The following TBCK variants were observed in gnomAD, a reference collection of about 807,000 sequenced individuals.
TBCK encodes TBC domain-containing protein kinase-like protein.
A neutral mutation model predicts 113.4 loss-of-function variants in TBCK; 99 were observed. The ratio of observed to expected loss-of-function variants is 0.87; its 90% CI spans 0.74 to 1.03. TBCK has a LOEUF of 1.03. Among genes scored for constraint, TBCK ranks in the 50% least tolerant of loss-of-function variants. The pLI, the probability that TBCK is intolerant of heterozygous loss-of-function variation, is 0.00. For synonymous variants in TBCK, 369 were observed against 370.8 expected (o/e 1.00, Z 0.05); for missense variants, 1,045 against 1,061.3 (o/e 0.98, Z 0.21).
At chr4:106,082,824 A>G (rs1739042732) in intron 25 of TBCK, among the ~76,000 whole-genome samples, 1 of 151,936 alleles carries the variant, frequency 6.6e-6, no homozygotes, top group Non-Finnish European at 1.5e-5. Context: ...GAGAAGGAAG[A>G]GCAGTGTGGT....
intron 23 of TBCK, among the ~76,000 whole-genome samples, chr4:106,123,390 A>C (rs1744712210): frequency 6.6e-6 from 1 of 152,240 alleles, no homozygotes; most frequent in Non-Finnish European, 1.5e-5. Flanking sequence ...AACAAATGGA[A>C]GAACATTTCA....
At chr4:106,136,154 T>C in intron 23 of TBCK, among the ~76,000 whole-genome samples, 1 of 141,810 alleles carries the variant, frequency 7.1e-6, no homozygotes, top group South Asian at 2.4e-4. Flanking sequence ...CAGTTTTTCC[T>C]TTACTGTTAT....
At chr4:106,246,816 T>G (rs1760866919) in intron 10 of TBCK, among the ~76,000 whole-genome samples, 1 of 152,062 alleles carries the variant, frequency 6.6e-6, no homozygotes, top group African/African-American at 2.4e-5. Context: ...TATATATATA[T>G]TTGTGCGTGT....
chr4:106,057,211 G>C (rs1166790879), intron 25 of TBCK, among the ~76,000 whole-genome samples: 3 of 151,656 alleles, frequency 2.0e-5, no homozygotes, highest in South Asian at 4.1e-4. Context: ...TAGATAGTGA[G>C]AGACTGAAAG....
At chr4:106,266,038 T>C (rs1273007435) in intron 3 of TBCK, among the ~76,000 whole-genome samples, 1 of 151,810 alleles carries the variant, frequency 6.6e-6, no homozygotes, top group Non-Finnish European at 1.5e-5. Flanking sequence ...AAGCATAATT[T>C]GGGATAAACA....
At position 106,056,712 on chromosome 4, in the gene TBCK, T is replaced by C. The variant is rs182969647; in HGVS notation, c.2572-10032A>G. Among the ~76,000 whole-genome samples the C allele has an allele frequency of 9.9e-5, 15 of 151,802 alleles. No individual in the cohort carries two copies. The East Asian group carries it at 2.9e-3, about 30-fold the overall frequency. ...ATTATGGAAGGTTCTCAGAAAATCC[T>C]GAGACTTCAGTCAGTATCATACAGA... On this transcript the variant is annotated intron_variant, in intron 25 of 25. Transcript: ENST00000394708.
rs10031728 is a variant in TBCK at position 106,242,793 on chromosome 4, G to A, written c.1071-224C>T. Among the ~76,000 whole-genome samples, 562 of 151,358 alleles carry A rather than the reference G, an allele frequency of 3.7e-3. 3 individuals carry two copies. The highest frequency in any genetic ancestry group is 0.013 in the African/African-American group (531 of 41,284). On this transcript the variant is annotated intron_variant, in intron 11 of 25. Transcript: ENST00000394708. ...TTAGTTACATATGTATACATGTGCC[G>A]TGCTGGTGTGCTGCACCCATTAACT...
intron 25 of TBCK, among the ~76,000 whole-genome samples, chr4:106,057,837 T>C (rs184127810): frequency 6.6e-6 from 1 of 151,906 alleles, no homozygotes; most frequent in East Asian, 1.9e-4. Flanking sequence ...ATCATTTGTA[T>C]ACATGTCTAA....
At chr4:106,049,902 C>T (rs748523936) in intron 25 of TBCK, among the ~76,000 whole-genome samples, 12 of 151,960 alleles carry the variant, frequency 7.9e-5, no homozygotes, top group Non-Finnish European at 1.2e-4. Flanking sequence ...TCCCCCTTTC[C>T]CAGGTGATTC....
At chr4:106,087,022 C>G (rs1578853878) in intron 25 of TBCK, among the ~76,000 whole-genome samples, 1 of 152,250 alleles carries the variant, frequency 6.6e-6, no homozygotes, top group South Asian at 2.1e-4. Flanking sequence ...AAAACTGGTA[C>G]AATACAAGGA....
rs548057743 is a variant in TBCK at position 106,189,897 on chromosome 4, C to T, written c.2059+3712G>A. 1.3e-4 allele frequency among the ~76,000 whole-genome samples: 20 copies of T among 152,160 alleles called. No homozygotes were observed. The South Asian group carries it at 3.9e-3, about 30-fold the overall frequency. Reference sequence around the variant, plus strand: ...TCCAACTTCCTTCAGCTGTTTCAGGCCTTTGAGCATTTTATTCCCTCTGTC... The same window carrying T: ...TCCAACTTCCTTCAGCTGTTTCAGGTCTTTGAGCATTTTATTCCCTCTGTC... On this transcript the variant is annotated intron_variant, in intron 22 of 25. Coordinates refer to ENST00000394708, the MANE Select transcript of TBCK (RefSeq NM_001163435.3).
chr4:106,292,546 G>A (rs978484433), intron 3 of TBCK, among the ~76,000 whole-genome samples: 29 of 151,294 alleles, frequency 1.9e-4, no homozygotes, highest in Non-Finnish European at 4.0e-4. Flanking sequence ...CTCCAGCCTG[G>A]GCGACAGAGC....
chr4:106,136,382 G>A (rs191693000), intron 23 of TBCK, among the ~76,000 whole-genome samples: 2 of 141,450 alleles, frequency 1.4e-5, no homozygotes, highest in African/African-American at 5.0e-5. Context: ...TGATACAGGA[G>A]GAGTAGTTCA....
intron 16 of TBCK, 133 bp from the exon 17 acceptor site, chr4:106,233,197 C>A: frequency 2.3e-6 from 2 of 876,086 alleles, no homozygotes; most frequent in Non-Finnish European, 3.3e-6. Flanking sequence ...TTCTTAAGTG[C>A]CTAATTTTTT....
chr4:106,081,951 C>T (rs1184759943), intron 25 of TBCK, among the ~76,000 whole-genome samples: 1 of 152,080 alleles, frequency 6.6e-6, no homozygotes, highest in Non-Finnish European at 1.5e-5. Context: ...TGTCAAAACA[C>T]AAGAAATGCT....
intron 25 of TBCK, among the ~76,000 whole-genome samples, chr4:106,050,959 T>C (rs1422983145): frequency 1.3e-5 from 2 of 151,978 alleles, no homozygotes; most frequent in African/African-American, 4.8e-5. Flanking sequence ...TGTCTGAATA[T>C]GGAAGGTTCT....
intron 25 of TBCK, among the ~76,000 whole-genome samples, chr4:106,064,800 T>C (rs1310909834): frequency 6.6e-6 from 1 of 152,026 alleles, no homozygotes; most frequent in African/African-American, 2.4e-5. Context: ...TCTTCTATTC[T>C]ATGTTGTTGG....
At chr4:106,170,112 A>T (rs764262360) in intron 23 of TBCK, among the ~76,000 whole-genome samples, 7 of 152,028 alleles carry the variant, frequency 4.6e-5, no homozygotes, top group Non-Finnish European at 8.8e-5. Context: ...CTAGAACAAC[A>T]TTTACCATTT....
chr4:106,149,451 C>T (rs1410152556), intron 23 of TBCK, among the ~76,000 whole-genome samples: 3 of 152,058 alleles, frequency 2.0e-5, no homozygotes, highest in Non-Finnish European at 4.4e-5. Context: ...ACTTTGAGTC[C>T]ATTATAGGGC....
Sources: allele counts gnomAD v4.1 joint callset (sites outside exome capture counted in the v4.1 genomes callset), GRCh38; gene constraint gnomAD v4.1.1; transcripts MANE v1.5; gene names NCBI Gene and HGNC (gene_info 2026-07-23, HGNC 2026-07-21).